SHISA8: variants seen among roughly 807,000 people sequenced by gnomAD.
SHISA8 encodes the protein protein shisa-8.
In SHISA8, 21 loss-of-function variants were observed where a neutral mutation model predicts 21.1. The observed-to-expected ratio is 0.99, with a 90% CI of 0.71 to 1.43. SHISA8 has a LOEUF of 1.43. SHISA8 is among the 40% of genes most tolerant of loss of function. SHISA8 has a pLI of 0.00. For synonymous variants in SHISA8, 300 were observed against 291.4 expected, an observed-to-expected ratio of 1.03 and a Z score of -0.30; for missense variants, 535 against 599.1, an observed-to-expected ratio of 0.89 and a Z score of 1.12.
Position 41,914,974 on chromosome 22 carries a change from G to A in SHISA8, c.-307C>T, listed in dbSNP as rs1463494602. Among the ~76,000 whole-genome samples the A allele has an allele frequency of 6.6e-6, 1 of 151,682 alleles. No homozygotes were observed. The highest frequency in any genetic ancestry group is 1.5e-5 in the Non-Finnish European group (1 of 67,872). ...GCGGCCCCCGGCTTCTCCCCGGCCC[G>A]GCAGGTGTGCGGGTCTTGGCCCTAG... On this transcript the variant is annotated 5_prime_UTR_variant, in exon 1 of 4. Coordinates refer to ENST00000621082, the MANE Select transcript of SHISA8 (RefSeq NM_001207020.3). This position sits in a 1 kb window ranked among gnomAD's most constrained non-coding sequence, Gnocchi z 6.8.
At position 41,910,418 on chromosome 22, in the gene SHISA8, G is replaced by C; in HGVS notation, c.801C>G (p.Leu267=). The stretch of plus-strand genomic sequence containing the variant: ...GCACCCGCCACTCACCTGCGGCCTT[G>C]AGCGCGGCGGCCTTGAACGTGGCGT... ...AKYATFKAAA[L]KAAEAAPRDF... The change falls in exon 3 of 4, where the codon CTC becomes CTG. Residue 267 remains leucine (L), a synonymous_variant. Coordinates refer to ENST00000621082, the MANE Select transcript of SHISA8 (RefSeq NM_001207020.3). The surrounding 1 kb of genome is among the most constrained non-coding windows in gnomAD (Gnocchi z 6.8). 1 of 1,356,114 alleles carries C rather than the reference G, an allele frequency of 7.4e-7. No homozygotes were observed. Among genetic ancestry groups the C allele is most frequent in the Non-Finnish European group, 9.5e-7 (1 of 1,054,288 alleles). The allele number at this position is 1,356,114 out of a possible 1,614,324, so 84.0% of individuals were successfully genotyped here. A position where few individuals can be genotyped will look rare whatever the true frequency, so the allele number is the denominator to read the frequency against.
Position 41,909,860 on chromosome 22 carries a change from C to G in SHISA8, c.1099G>C (p.Glu367Gln). The G allele has an allele frequency of 6.5e-7, 1 of 1,530,842 alleles. No homozygotes were observed. The highest frequency in any genetic ancestry group is 8.7e-7 in the Non-Finnish European group (1 of 1,144,664). 94.8% of individuals were successfully genotyped at this position (1,530,842 alleles called of 1,614,324 possible). A position where few individuals can be genotyped will look rare whatever the true frequency, so the allele number is the denominator to read the frequency against. ...ARRQFSVKMP[E>Q]TFNPQLPGLY... ...CCGGGGAGCTGCGGGTTGAAGGTCT[C>G]AGGCATCTTCACACTGAACTGGCGC... The change falls in exon 4 of 4, where the codon GAG becomes CAG. Residue 367 changes from glutamate (E) to glutamine (Q), a missense_variant. Transcript: ENST00000621082.
intron 1 of SHISA8, 28 bp from the exon 2 acceptor site, chr22:41,911,377 C>T: frequency 8.1e-7 from 1 of 1,236,076 alleles, no homozygotes; most frequent in Non-Finnish European, 1.0e-6. Flanking sequence ...AGGGGTGGCC[C>T]TCTGTCTCCC....
intron 2 of SHISA8, 57 bp downstream of exon 2, chr22:41,911,159 C>T: frequency 1.6e-6 from 2 of 1,252,716 alleles, no homozygotes; most frequent in Non-Finnish European, 2.0e-6. Flanking sequence ...GCCTCTCGGC[C>T]TCTCACGCCC....
chr22:41,914,620 G>A lies in SHISA8; in HGVS notation c.48C>T (p.Pro16=). ...ARGLLGGRRP[P]GLRLALALRL... ...GAAGCGCGAGCGCGAGCCGGAGGCC[G>A]GGAGGACGGCGGCCGCCGAGCAGTC... The change falls in exon 1 of 4, where the codon CCC becomes CCT. Residue 16 remains proline (P), a synonymous_variant. Transcript: ENST00000621082. This position sits in a 1 kb window ranked among gnomAD's most constrained non-coding sequence, Gnocchi z 6.8. The A allele has an allele frequency of 9.4e-7, 1 of 1,067,202 alleles. No homozygotes were observed. Among genetic ancestry groups the A allele is most frequent in the East Asian group, 6.9e-5 (1 of 14,512 alleles). The allele number at this position is 1,067,202 out of a possible 1,614,324, so 66.1% of individuals were successfully genotyped here. A position where few individuals can be genotyped will look rare whatever the true frequency, so the allele number is the denominator to read the frequency against.
In SHISA8 at chr22:41,914,073, A is replaced by C; in HGVS notation, c.530+65T>G. ...AACCAGCGCTTCGAGAGCGGCGGGA[A>C]GGATCAGCGGGCAGGGAGAGCAGTC... On this transcript the variant is annotated intron_variant, in intron 1 of 3. Transcript: ENST00000621082. This position sits in a 1 kb window ranked among gnomAD's most constrained non-coding sequence, Gnocchi z 6.8. 7.7e-7 allele frequency: 1 copy of C among 1,302,102 alleles called. No individual in the cohort carries two copies. The highest frequency in any genetic ancestry group is 9.8e-7 in the Non-Finnish European group (1 of 1,024,308). 80.7% of individuals were successfully genotyped at this position (1,302,102 alleles called of 1,614,324 possible).
chr22:41,913,182 G>A (rs1270932656), intron 1 of SHISA8, among the ~76,000 whole-genome samples: 1 of 152,220 alleles, frequency 6.6e-6, no homozygotes, highest in Non-Finnish European at 1.5e-5. Context: ...GAAGTGCCAA[G>A]GAAGCCCTCA....
In SHISA8 at chr22:41,910,120, C is replaced by T; in HGVS notation, c.839G>A (p.Arg280His). ...AEAAPRDFCQ[R>H]FPALEPSPRQ... is the part of the protein sequence containing the mutation. ...CGGGGACGGCTCGAGGGCGGGGAAA[C>T]GCTGACAGAAGTCCCGCGGGGCGGC... Residue 280 changes from arginine (R) to histidine (H), a missense_variant, in exon 4 of 4, where the codon CGT (arginine) becomes CAT (histidine). Arg to His is a conservative substitution (Grantham distance 29). Transcript: ENST00000621082. The surrounding 1 kb of genome is among the most constrained non-coding windows in gnomAD (Gnocchi z 6.8). 1 of 1,238,344 alleles carries T rather than the reference C, an allele frequency of 8.1e-7. No individual in the cohort carries two copies. Among genetic ancestry groups the T allele is most frequent in the Non-Finnish European group, 1.0e-6 (1 of 994,204 alleles). 76.7% of individuals were successfully genotyped at this position (1,238,344 alleles called of 1,614,324 possible). A position where few individuals can be genotyped will look rare whatever the true frequency, so the allele number is the denominator to read the frequency against.
intron 1 of SHISA8, among the ~76,000 whole-genome samples, chr22:41,911,609 A>G (rs2077554023): frequency 6.6e-6 from 1 of 151,768 alleles, no homozygotes; most frequent in African/African-American, 2.4e-5. Flanking sequence ...CCCTCCCTGG[A>G]GCCCACTCTC....
Position 41,914,218 on chromosome 22 carries a change from C to CG in SHISA8, c.449dup (p.Leu151AlafsTer217). On this transcript the variant is annotated frameshift_variant, in exon 1 of 4. Transcript: ENST00000621082. LOFTEE classifies it high-confidence loss of function. The surrounding 1 kb of genome is among the most constrained non-coding windows in gnomAD (Gnocchi z 6.8). The stretch of plus-strand genomic sequence containing the variant: ...CCCCGATGCCGGCCAGCACCAGCAG[C>CG]GCTGCGACGCCGCACACAGCGTAGA... 2 of 1,453,502 alleles carry CG rather than the reference C, an allele frequency of 1.4e-6. No homozygotes were observed. The highest frequency in any genetic ancestry group is 1.8e-6 in the Non-Finnish European group (2 of 1,112,258). The allele number at this position is 1,453,502 out of a possible 1,614,324, so 90.0% of individuals were successfully genotyped here.
In SHISA8 at chr22:41,910,969, G is replaced by A. The variant is rs1304096542; in HGVS notation, c.664+247C>T. Among the ~76,000 whole-genome samples, 2 of 152,264 alleles carry A rather than the reference G, an allele frequency of 1.3e-5. No homozygotes were observed. Among genetic ancestry groups the A allele is most frequent in the Non-Finnish European group, 1.5e-5 (1 of 68,000 alleles). On this transcript the variant is annotated intron_variant, in intron 2 of 3. Coordinates refer to ENST00000621082, the MANE Select transcript of SHISA8 (RefSeq NM_001207020.3). This position sits in a 1 kb window ranked among gnomAD's most constrained non-coding sequence, Gnocchi z 6.8. ...GCCCGAGCCTCAGATCACAGCCCCG[G>A]CCAGCAAATCCTGCATCTGGAACCT...
rs1015743009 is a variant in SHISA8 at position 41,910,583 on chromosome 22, T to G, written c.665-29A>C. The G allele has an allele frequency of 6.7e-5, 82 of 1,217,884 alleles. No individual in the cohort carries two copies. In the African/African-American group the frequency reaches 1.1e-3, roughly 17 times the overall value. The allele number at this position is 1,217,884 out of a possible 1,614,324, so 75.4% of individuals were successfully genotyped here. A position where few individuals can be genotyped will look rare whatever the true frequency, so the allele number is the denominator to read the frequency against. On this transcript the variant is annotated intron_variant, in intron 2 of 3. Coordinates refer to ENST00000621082, the MANE Select transcript of SHISA8 (RefSeq NM_001207020.3). The surrounding 1 kb of genome is among the most constrained non-coding windows in gnomAD (Gnocchi z 6.8). The stretch of plus-strand genomic sequence containing the variant: ...GAGCGAGGAGTGAGACGCGGCTCGG[T>G]CCGATGCCCCGGTTCACTCCGCCCT...
Position 41,909,661 on chromosome 22 carries a change from A to G in SHISA8, c.*104T>C. On this transcript the variant is annotated 3_prime_UTR_variant, in exon 4 of 4. Transcript: ENST00000621082. ...CAAGACACCACTGCCGTTGAGGCAG[A>G]CAGAAGAGCTGGCCTTACGGCAGGC... 1 of 1,320,686 alleles carries G rather than the reference A, an allele frequency of 7.6e-7. No homozygotes were observed. The highest frequency in any genetic ancestry group is 9.7e-7 in the Non-Finnish European group (1 of 1,034,650). The allele number at this position is 1,320,686 out of a possible 1,614,324, so 81.8% of individuals were successfully genotyped here.
In SHISA8 at chr22:41,910,648, G is replaced by A. The variant is rs2146574083; in HGVS notation, c.665-94C>T. The A allele has an allele frequency of 8.4e-7, 1 of 1,193,420 alleles. No homozygotes were observed. The highest frequency in any genetic ancestry group is 1.6e-5 in the African/African-American group (1 of 63,270). 73.9% of individuals were successfully genotyped at this position (1,193,420 alleles called of 1,614,324 possible). A position where few individuals can be genotyped will look rare whatever the true frequency, so the allele number is the denominator to read the frequency against. Reference sequence around the variant, plus strand: ...CGTAGTCCTCTCCCCGAGGCCGTTCGGTGAGAACCTGGGGGACCGTTCTCC... The same window carrying A: ...CGTAGTCCTCTCCCCGAGGCCGTTCAGTGAGAACCTGGGGGACCGTTCTCC... On this transcript the variant is annotated intron_variant, in intron 2 of 3. Transcript: ENST00000621082. The surrounding 1 kb of genome is among the most constrained non-coding windows in gnomAD (Gnocchi z 6.8).
intron 1 of SHISA8, among the ~76,000 whole-genome samples, chr22:41,913,027 T>G (rs1321733856): frequency 1.3e-5 from 2 of 152,332 alleles, no homozygotes; most frequent in Admixed American, 6.5e-5. Flanking sequence ...CCCCTACCCC[T>G]GCAGCATCCA....
chr22:41,910,394 C>T lies in SHISA8; in HGVS notation c.811+14G>A. The T allele has an allele frequency of 7.7e-7, 1 of 1,304,108 alleles. No homozygotes were observed. The highest frequency in any genetic ancestry group is 2.2e-5 in the South Asian group (1 of 46,086). The allele number at this position is 1,304,108 out of a possible 1,614,324, so 80.8% of individuals were successfully genotyped here. A position where few individuals can be genotyped will look rare whatever the true frequency, so the allele number is the denominator to read the frequency against. ...CGCCCAGGTGCCCTGACGCTGCCCG[C>T]ACCCGCCACTCACCTGCGGCCTTGA... On this transcript the variant is annotated intron_variant, in intron 3 of 3. Coordinates refer to ENST00000621082, the MANE Select transcript of SHISA8 (RefSeq NM_001207020.3). This position sits in a 1 kb window ranked among gnomAD's most constrained non-coding sequence, Gnocchi z 6.8.
At position 41,910,609 on chromosome 22, in the gene SHISA8, C is replaced by G. The variant is rs1204406444; in HGVS notation, c.665-55G>C. The G allele has an allele frequency of 1.6e-6, 2 of 1,215,598 alleles. No individual in the cohort carries two copies. Among genetic ancestry groups the G allele is most frequent in the African/African-American group, 3.1e-5 (2 of 63,570 alleles). The allele number at this position is 1,215,598 out of a possible 1,614,324, so 75.3% of individuals were successfully genotyped here. ...CCGATGCCCCGGTTCACTCCGCCCT[C>G]GCTGTCACCTCTCCGTAGTCCTCTC... is the stretch of plus-strand genomic sequence containing the variant. On this transcript the variant is annotated intron_variant, in intron 2 of 3. Coordinates refer to ENST00000621082, the MANE Select transcript of SHISA8 (RefSeq NM_001207020.3). The surrounding 1 kb of genome is among the most constrained non-coding windows in gnomAD (Gnocchi z 6.8).
Position 41,910,265 on chromosome 22 carries a change from G to C in SHISA8, c.812-118C>G. ...CGGGCCGGGGCGGGCCGGGGGCGGG[G>C]CCCGCTGGGGCGAGGGAGCCGATTG... On this transcript the variant is annotated intron_variant, in intron 3 of 3. Coordinates refer to ENST00000621082, the MANE Select transcript of SHISA8 (RefSeq NM_001207020.3). This position sits in a 1 kb window ranked among gnomAD's most constrained non-coding sequence, Gnocchi z 6.8. 2.4e-6 allele frequency: 3 copies of C among 1,225,778 alleles called. No homozygotes were observed. Among genetic ancestry groups the C allele is most frequent in the Non-Finnish European group, 3.1e-6 (3 of 982,514 alleles). The allele number at this position is 1,225,778 out of a possible 1,614,324, so 75.9% of individuals were successfully genotyped here.
chr22:41,911,830 C>T (rs1191642795), intron 1 of SHISA8, among the ~76,000 whole-genome samples: 1 of 152,180 alleles, frequency 6.6e-6, no homozygotes, highest in African/African-American at 2.4e-5. Flanking sequence ...ACTGCAACCT[C>T]CACCTCCCCG....
Sources: gnomAD v4.1 joint callset for allele counts (sites outside exome capture counted in the v4.1 genomes callset) on GRCh38, gnomAD v4.1.1 for gene constraint, Gnocchi (gnomAD v3.1) non-coding constraint, MANE v1.5 for transcripts, NCBI Gene and HGNC (gene_info 2026-07-23, HGNC 2026-07-21) for gene names.